The following BMP5 variants were observed in gnomAD, a reference collection of about 807,000 sequenced individuals.
The protein encoded by BMP5 is bone morphogenetic protein 5.
BMP5 carries 23 observed loss-of-function variants against 46.6 expected under a neutral mutation model. That is an observed-to-expected ratio of 0.49 (90% CI 0.35 to 0.70). The LOEUF (loss-of-function observed/expected upper bound fraction) is 0.70. Ranked by LOEUF, BMP5 falls within the 30% of genes least tolerant of loss-of-function variation. The pLI, the probability that BMP5 is intolerant of heterozygous loss-of-function variation, is 0.00. For missense variants in BMP5, 545 were observed against 565.6 expected, an observed-to-expected ratio of 0.96 and a Z score of 0.37; for synonymous variants, 204 against 191.9, an observed-to-expected ratio of 1.06 and a Z score of -0.52.
At chr6:55,779,697 T>C (rs1337634975) in intron 3 of BMP5, among the ~76,000 whole-genome samples, 4 of 152,052 alleles carry the variant, frequency 2.6e-5, no homozygotes, top group Non-Finnish European at 5.9e-5. Context: ...TATATTGTAA[T>C]CTAGCTACAA....
At chr6:55,792,803 G>C (rs933864912) in intron 3 of BMP5, among the ~76,000 whole-genome samples, 2 of 152,092 alleles carry the variant, frequency 1.3e-5, no homozygotes, top group African/African-American at 4.8e-5. Context: ...ATTAAACAAG[G>C]CTTTTGTGTA....
intron 1 of BMP5, among the ~76,000 whole-genome samples, chr6:55,861,681 A>G (rs1053310271): frequency 1.3e-5 from 2 of 152,250 alleles, no homozygotes; most frequent in African/African-American, 4.8e-5. Context: ...TCCAGGGAGT[A>G]GACTCTTGGT....
chr6:55,871,449 A>C (rs1296176179), intron 1 of BMP5, among the ~76,000 whole-genome samples: 2 of 151,850 alleles, frequency 1.3e-5, no homozygotes, highest in Admixed American at 6.6e-5. Flanking sequence ...CTTCAAAATA[A>C]ACGAGTCACT....
At chr6:55,777,170 CA>C (rs1775195211) in intron 3 of BMP5, among the ~76,000 whole-genome samples, 1 of 151,774 alleles carries the variant, frequency 6.6e-6, no homozygotes, top group African/African-American at 2.4e-5. Flanking sequence ...ATTTCAGAAA[CA>C]ATACACTTAT....
chr6:55,759,184 C>CAAAAAAAAAAAA, intron 5 of BMP5, 69 bp from the exon 6 acceptor site: 2 of 359,296 alleles, frequency 5.6e-6, no homozygotes, highest in South Asian at 4.1e-5. Flanking sequence ...AAAAAAAAAA[C>CAAAAAAAAAAAA]AACAAGAAAA....
chr6:55,785,387 T>C (rs999575219), intron 3 of BMP5, among the ~76,000 whole-genome samples: 5 of 151,850 alleles, frequency 3.3e-5, no homozygotes, highest in African/African-American at 1.2e-4. Flanking sequence ...TGATCCGTTA[T>C]TTATGTTCAG....
chr6:55,794,177 A>G, intron 3 of BMP5, 102 bp downstream of exon 3: 1 of 1,288,646 alleles, frequency 7.8e-7, no homozygotes, highest in South Asian at 1.3e-5. Context: ...TGACTTGGAC[A>G]TCATAAATAT....
At chr6:55,797,980 G>A (rs1215891423) in intron 2 of BMP5, among the ~76,000 whole-genome samples, 1 of 152,058 alleles carries the variant, frequency 6.6e-6, no homozygotes, top group Non-Finnish European at 1.5e-5. Context: ...TCTCATTTCT[G>A]GAGGCTAGAA....
intron 6 of BMP5, 48 bp from the exon 7 acceptor site, chr6:55,755,730 T>A: frequency 2.6e-6 from 4 of 1,543,276 alleles, no homozygotes; most frequent in Non-Finnish European, 3.6e-6. Context: ...AAATATACAT[T>A]CTTTTGCAGT....
chr6:55,874,599 G>T lies in BMP5; in HGVS notation c.267C>A (p.Thr89=). 7 of 1,613,484 alleles carry T rather than the reference G, an allele frequency of 4.3e-6. No individual in the cohort carries two copies. The highest frequency in any genetic ancestry group is 5.1e-6 in the Non-Finnish European group (6 of 1,179,696). ...LFMLDLYNAM[T]NEENPEESEY... ...CCGACTCTTCAGGATTTTCTTCATT[G>T]GTCATGGCATTGTAGAGATCCAGCA... The change falls in exon 1 of 7, where the codon ACC becomes ACA. Residue 89 remains threonine, a synonymous_variant. Transcript: ENST00000370830.
At chr6:55,780,208 A>G (rs531044688) in intron 3 of BMP5, among the ~76,000 whole-genome samples, 1 of 68,124 alleles carries the variant, frequency 1.5e-5, no homozygotes, top group Non-Finnish European at 2.6e-5. Context: ...TCTGTGGCTC[A>G]TAAGTAAAGG....
chr6:55,810,696 A>G (rs770269085), intron 2 of BMP5, among the ~76,000 whole-genome samples: 1 of 152,214 alleles, frequency 6.6e-6, no homozygotes, highest in Non-Finnish European at 1.5e-5. Context: ...AGCTTATGGC[A>G]CAAACTATTT....
In BMP5 at chr6:55,794,828, A is replaced by T. The variant is rs138829054; in HGVS notation, c.684-401T>A. ...CAGTTTGGATGAATGTGAATTCTCA[A>T]ATGAATGGAACACAGGCAGGATGTA... On this transcript the variant is annotated intron_variant, in intron 2 of 6. Coordinates refer to ENST00000370830, the MANE Select transcript of BMP5 (RefSeq NM_021073.4). Among the ~76,000 whole-genome samples the T allele has an allele frequency of 2.0e-5, 3 of 152,308 alleles. No individual in the cohort carries two copies. In the East Asian group the frequency reaches 5.8e-4, roughly 29 times the overall value.
chr6:55,866,111 C>G (rs1777634117), intron 1 of BMP5, among the ~76,000 whole-genome samples: 1 of 152,094 alleles, frequency 6.6e-6, no homozygotes, highest in South Asian at 2.1e-4. Context: ...GAAGAGCCTA[C>G]ACAGTTTCTG....
chr6:55,845,786 T>G (rs1035061728), intron 1 of BMP5, among the ~76,000 whole-genome samples: 1 of 151,974 alleles, frequency 6.6e-6, no homozygotes, highest in African/African-American at 2.4e-5. Flanking sequence ...TTCCTTCATG[T>G]CAGTCTTCTT....
Position 55,874,809 on chromosome 6 carries a change from C to A in BMP5, c.57G>T (p.Trp19Cys). The change falls in exon 1 of 7, where the codon TGG becomes TGT. Residue 19 changes from tryptophan (W) to cysteine (C), a missense_variant. Coordinates refer to ENST00000370830, the MANE Select transcript of BMP5 (RefSeq NM_021073.4). The part of the protein sequence containing the change: ...KGIVGFLWSC[W>C]VLVGYAKGGL... ...CTCCTTTTGCATAACCCACTAGAAC[C>A]CAGCAGCTCCAGAGGAAACCCACAA... 6.2e-7 allele frequency: 1 copy of A among 1,613,290 alleles called. No individual in the cohort carries two copies. Among genetic ancestry groups the A allele is most frequent in the Non-Finnish European group, 8.5e-7 (1 of 1,179,604 alleles).
intron 1 of BMP5, among the ~76,000 whole-genome samples, chr6:55,870,347 G>A (rs1486320617): frequency 6.6e-6 from 1 of 152,072 alleles, no homozygotes; most frequent in African/African-American, 2.4e-5. Flanking sequence ...AATGTGAAGT[G>A]TTGTTGAAGA....
chr6:55,774,250 C>T lies in BMP5; in HGVS notation c.833-7G>A, dbSNP rs199557041. ...TTTACGTTGATACTGCGTCCTAGAA[C>T]GTAATACAAAAGCACTTGGTTTATG... On this transcript the variant is annotated splice_polypyrimidine_tract_variant and splice_region_variant and intron_variant, in intron 3 of 6. Coordinates refer to ENST00000370830, the MANE Select transcript of BMP5 (RefSeq NM_021073.4). The T allele has an allele frequency of 2.9e-4, 462 of 1,611,836 alleles. 3 individuals are homozygous for T. The highest frequency in any genetic ancestry group is 6.4e-4 in the South Asian group (58 of 91,040).
At chr6:55,841,163 C>T (rs1483299445) in intron 1 of BMP5, among the ~76,000 whole-genome samples, 1 of 152,126 alleles carries the variant, frequency 6.6e-6, no homozygotes. Context: ...ACCATCCCAC[C>T]CTGCATCCAT....
Sources: allele counts gnomAD v4.1 joint callset (sites outside exome capture counted in the v4.1 genomes callset), GRCh38; gene constraint gnomAD v4.1.1; transcripts MANE v1.5; gene names NCBI Gene and HGNC (gene_info 2026-07-23, HGNC 2026-07-21).